ARK2C: variants seen among roughly 807,000 people sequenced by gnomAD.
ARK2C encodes the protein E3 ubiquitin-protein ligase ARK2C.
chr18:46,394,824 A>G, the ARK2C span, among the ~76,000 whole-genome samples: 41 of 152,322 alleles, frequency 2.7e-4, no homozygotes, highest in Middle Eastern at 3.4e-3. Context: ...GAATAAACAA[A>G]GGAAGGTTGC....
At chr18:46,358,900 G>A in the ARK2C span, among the ~76,000 whole-genome samples, 1 of 152,188 alleles carries the variant, frequency 6.6e-6, no homozygotes, top group Non-Finnish European at 1.5e-5. Context: ...CACAGTGAGA[G>A]GAGAGACTCT....
chr18:46,413,879 T>C, the ARK2C span, among the ~76,000 whole-genome samples: 1 of 152,198 alleles, frequency 6.6e-6, no homozygotes, highest in Non-Finnish European at 1.5e-5. Flanking sequence ...GCCTTGTTGT[T>C]ATGTCTCATG....
the ARK2C span, among the ~76,000 whole-genome samples, chr18:46,415,364 C>CA: frequency 1.5e-3 from 224 of 151,882 alleles, 1 homozygote; most frequent in African/African-American, 5.3e-3. Context: ...ACTAAAAATA[C>CA]AAAAAATTTT....
At chr18:46,348,900 CTGTGTG>C in the ARK2C span, among the ~76,000 whole-genome samples, 18,543 of 143,782 alleles carry the variant, frequency 0.13, 1,299 homozygotes, top group African/African-American at 0.16. Flanking sequence ...CTCTCTCTTT[CTGTGTG>C]TGTGTGTGTG....
the ARK2C span, among the ~76,000 whole-genome samples, chr18:46,360,769 A>G: frequency 2.0e-5 from 3 of 152,122 alleles, no homozygotes; most frequent in African/African-American, 7.2e-5. Flanking sequence ...TGGGCACACG[A>G]GGCGGGTATG....
At chr18:46,353,493 C>G in the ARK2C span, among the ~76,000 whole-genome samples, 8 of 152,186 alleles carry the variant, frequency 5.3e-5, no homozygotes, top group Non-Finnish European at 1.2e-4. Context: ...AGGTGCCTGG[C>G]AGGTCGTAGG....
chr18:46,349,463 C>T, the ARK2C span, among the ~76,000 whole-genome samples: 2 of 152,222 alleles, frequency 1.3e-5, no homozygotes, highest in African/African-American at 4.8e-5. Context: ...TTAACACCAT[C>T]ATCTTGGGGG....
the ARK2C span, among the ~76,000 whole-genome samples, chr18:46,345,887 C>T: frequency 6.6e-6 from 1 of 152,108 alleles, no homozygotes; most frequent in Non-Finnish European, 1.5e-5. Context: ...TCAGGGTCAC[C>T]CCAAGGCCTC....
At chr18:46,404,922 G>T in the ARK2C span, among the ~76,000 whole-genome samples, 10 of 152,042 alleles carry the variant, frequency 6.6e-5, no homozygotes, top group African/African-American at 2.4e-4. Flanking sequence ...GGTGCTCAAG[G>T]TCACACAGCT....
chr18:46,427,419 T>G, the ARK2C span, among the ~76,000 whole-genome samples: 1 of 151,780 alleles, frequency 6.6e-6, no homozygotes, highest in African/African-American at 2.4e-5. Context: ...TTGGACAGAG[T>G]GGGTACTCTC....
At chr18:46,451,746 A>G in the ARK2C span, among the ~76,000 whole-genome samples, 4 of 152,240 alleles carry the variant, frequency 2.6e-5, no homozygotes, top group Admixed American at 2.6e-4. Flanking sequence ...TTGAGGCTGC[A>G]GTGAGCTATG....
the ARK2C span, among the ~76,000 whole-genome samples, chr18:46,363,085 T>C: frequency 1.3e-5 from 2 of 152,310 alleles, no homozygotes; most frequent in South Asian, 4.1e-4. Flanking sequence ...CACTGCTATA[T>C]CCCCATTGTC....
At chr18:46,366,912 C>T in the ARK2C span, among the ~76,000 whole-genome samples, 1 of 152,208 alleles carries the variant, frequency 6.6e-6, no homozygotes, top group Admixed American at 6.5e-5. Flanking sequence ...AAAAGGTCTT[C>T]TGTGTCTTGC....
At chr18:46,415,845 C>A in the ARK2C span, among the ~76,000 whole-genome samples, 5 of 152,146 alleles carry the variant, frequency 3.3e-5, no homozygotes, top group African/African-American at 1.2e-4. Context: ...GCTGATATGA[C>A]TGGGATCATC....
chr18:46,436,349 G>T, the ARK2C span, among the ~76,000 whole-genome samples: 1 of 152,086 alleles, frequency 6.6e-6, no homozygotes, highest in Admixed American at 6.6e-5. Context: ...GAAGGAAATA[G>T]AAATGCAGTA....
chr18:46,373,139 C>A, the ARK2C span, among the ~76,000 whole-genome samples: 1 of 152,248 alleles, frequency 6.6e-6, no homozygotes, highest in African/African-American at 2.4e-5. Flanking sequence ...TCATCACACA[C>A]CCAGGTAAGC....
At chr18:46,427,896 G>A in the ARK2C span, among the ~76,000 whole-genome samples, 1 of 152,210 alleles carries the variant, frequency 6.6e-6, no homozygotes, top group Non-Finnish European at 1.5e-5. Context: ...GGTGGGCAGG[G>A]TGGTATTTCT....
At chr18:46,407,802 T>G in the ARK2C span, among the ~76,000 whole-genome samples, 811 of 152,338 alleles carry the variant, frequency 5.3e-3, 7 homozygotes, top group African/African-American at 0.019. Flanking sequence ...GTTGGAGTGA[T>G]GAGATCCACC....
At chr18:46,341,319 A>T in the ARK2C span, among the ~76,000 whole-genome samples, 1 of 126,366 alleles carries the variant, frequency 7.9e-6, no homozygotes, top group African/African-American at 3.0e-5. Context: ...GAGGTCAGGG[A>T]GGGGGGTGGG....
Sources: allele counts gnomAD v4.1 joint callset (sites outside exome capture counted in the v4.1 genomes callset), GRCh38; gene constraint gnomAD v4.1.1; transcripts MANE v1.5; gene names NCBI Gene and HGNC (gene_info 2026-07-23, HGNC 2026-07-21).